Variants in ALDH5A1 observed in about 807,000 individuals in gnomAD.
The protein encoded by ALDH5A1 is aldehyde dehydrogenase 5 family member A1.
A neutral mutation model predicts 54.7 loss-of-function variants in ALDH5A1; 33 were observed. That is an observed-to-expected ratio of 0.60 (90% confidence interval 0.46 to 0.81). ALDH5A1 has a LOEUF of 0.81. Among genes scored for constraint, ALDH5A1 ranks in the 30% least tolerant of loss-of-function variants. ALDH5A1 has a pLI of 0.00. For synonymous variants in ALDH5A1, 294 were observed against 292.7 expected (o/e 1.00, Z -0.05); for missense variants, 657 against 711.0 (o/e 0.92, Z 0.86).
Position 24,511,188 on chromosome 6 carries a change from T to TCTG in ALDH5A1, c.727-3976_727-3974dup, listed in dbSNP as rs529862851. Among the ~76,000 whole-genome samples the TCTG allele has an allele frequency of 6.0e-4, 92 of 152,264 alleles. 1 individual carries two copies. Among genetic ancestry groups the TCTG allele is most frequent in the African/African-American group, 2.1e-3 (88 of 41,554 alleles). The stretch of plus-strand genomic sequence containing the variant: ...AGTTTGTAGGGTTTCTGCTGAGAAA[T>TCTG]CTGCTAATCTGATAGGTTTTCCTTT... On this transcript the variant is annotated intron_variant, in intron 4 of 9. Transcript: ENST00000357578.
chr6:24,529,214 T>C (rs1683071569), intron 8 of ALDH5A1, among the ~76,000 whole-genome samples: 1 of 152,108 alleles, frequency 6.6e-6, no homozygotes, highest in Non-Finnish European at 1.5e-5. Context: ...TCATCCAGGC[T>C]GGAGTGCAGT....
rs763281198 is a variant in ALDH5A1 at position 24,528,093 on chromosome 6, C to T, written c.1270C>T (p.Leu424=). 6.2e-7 allele frequency: 1 copy of T among 1,614,122 alleles called. No individual in the cohort carries two copies. Among genetic ancestry groups the T allele is most frequent in the Non-Finnish European group, 8.5e-7 (1 of 1,180,012 alleles). ...QLGKNFFEPT[L]LCNVTQDMLC... ...TGGAAAAAATTTCTTTGAGCCTACC[C>T]TGCTGTGCAATGTCACCCAGGACAT... Residue 424 remains leucine, a synonymous_variant, in exon 8 of 10, where the codon CTG becomes TTG. Coordinates refer to ENST00000357578, the MANE Select transcript of ALDH5A1 (RefSeq NM_001080.3).
intron 8 of ALDH5A1, among the ~76,000 whole-genome samples, chr6:24,529,427 A>G (rs1361122165): frequency 2.6e-5 from 4 of 152,068 alleles, no homozygotes; most frequent in Non-Finnish European, 5.9e-5. Context: ...TCAGCCTCCC[A>G]AAGTGCTGGG....
At chr6:24,495,590 C>T (rs1445364378) in intron 1 of ALDH5A1, among the ~76,000 whole-genome samples, 2 of 152,218 alleles carry the variant, frequency 1.3e-5, no homozygotes, top group East Asian at 3.9e-4. Flanking sequence ...AAGTTATGCA[C>T]TGCCCAGTAG....
At position 24,506,243 on chromosome 6, in the gene ALDH5A1, C is replaced by CTTTTTTTTTTTTTTTTTTTTTTTTTT. The variant is rs70974913; in HGVS notation, c.726+1263_726+1288dup. ...TCTGCACCTCCTTCTTTCCTGGTTCCTTTTTTTTTTTTTTTTTTTTTTTTT... is the reference window on the plus strand; with the variant it reads ...TCTGCACCTCCTTCTTTCCTGGTTCCTTTTTTTTTTTTTTTTTTTTTTTTTTTTTTTTTTTTTTTTTTTTTTTTTTT... On this transcript the variant is annotated intron_variant, in intron 4 of 9. Transcript: ENST00000357578. Among the ~76,000 whole-genome samples, 24 of 52,162 alleles carry CTTTTTTTTTTTTTTTTTTTTTTTTTT rather than the reference C, an allele frequency of 4.6e-4. 7 individuals are homozygous for CTTTTTTTTTTTTTTTTTTTTTTTTTT. The highest frequency in any genetic ancestry group is 7.9e-4 in the Non-Finnish European group (23 of 29,134). 34.2% of individuals were successfully genotyped at this position (52,162 alleles called of 152,430 possible). A position where few individuals can be genotyped will look rare whatever the true frequency, so the allele number is the denominator to read the frequency against.
intron 7 of ALDH5A1, among the ~76,000 whole-genome samples, chr6:24,523,198 A>G (rs1175012037): frequency 6.6e-6 from 1 of 152,188 alleles, no homozygotes; most frequent in Non-Finnish European, 1.5e-5. Context: ...GTTTGAGGCG[A>G]TAGATGTGCT....
At chr6:24,523,506 C>A (rs1256479877) in intron 7 of ALDH5A1, among the ~76,000 whole-genome samples, 4 of 152,178 alleles carry the variant, frequency 2.6e-5, no homozygotes, top group African/African-American at 7.2e-5. Flanking sequence ...TATAGCCCTG[C>A]CATTGCACCA....
At chr6:24,519,663 T>C (rs1759636531) in intron 5 of ALDH5A1, among the ~76,000 whole-genome samples, 1 of 151,980 alleles carries the variant, frequency 6.6e-6, no homozygotes, top group Admixed American at 6.6e-5. Context: ...TAAAGGGTTA[T>C]GAAAATTTTA....
chr6:24,511,949 AT>A, intron 4 of ALDH5A1: 1 of 523,456 alleles, frequency 1.9e-6, no homozygotes, highest in Non-Finnish European at 3.4e-6. Context: ...GTTTCTTCTT[AT>A]TGGGGTAGGC....
At position 24,533,416 on chromosome 6, in the gene ALDH5A1, A is replaced by G. The variant is rs533112076; in HGVS notation, c.1403-91A>G. The stretch of plus-strand genomic sequence containing the variant: ...GAAGACTCCAGGCCCAAGTGGCTGG[A>G]CAAAAAGTCATCAATGGTGCCCTCA... On this transcript the variant is annotated intron_variant, in intron 9 of 9. Coordinates refer to ENST00000357578, the MANE Select transcript of ALDH5A1 (RefSeq NM_001080.3). 6.4e-6 allele frequency: 9 copies of G among 1,399,540 alleles called. No individual in the cohort carries two copies. The Admixed American group carries it at 1.1e-4, about 17-fold the overall frequency. The allele number at this position is 1,399,540 out of a possible 1,614,324, so 86.7% of individuals were successfully genotyped here.
Position 24,495,037 on chromosome 6 carries a change from G to T in ALDH5A1, c.41G>T (p.Arg14Leu). 7.4e-7 allele frequency: 1 copy of T among 1,349,250 alleles called. No homozygotes were observed. The allele number at this position is 1,349,250 out of a possible 1,614,324, so 83.6% of individuals were successfully genotyped here. A position where few individuals can be genotyped will look rare whatever the true frequency, so the allele number is the denominator to read the frequency against. Residue 14 changes from arginine to leucine, a missense_variant, in exon 1 of 10, where the codon CGC (arginine) becomes CTC (leucine). By Grantham distance (102) the Arg-to-Leu change is moderately radical. This residue lies in a region of ALDH5A1 where 232 missense variants were observed against 194.6 expected (regional missense o/e 1.19). Transcript: ENST00000357578. The part of the protein sequence containing the change: ...CIWLRSCGAR[R>L]LGSTFPGCRL... Reference sequence around the variant, plus strand: ...TGGCTGCGGAGCTGTGGGGCCCGGCGCCTCGGGTCGACGTTTCCAGGCTGC... The same window carrying T: ...TGGCTGCGGAGCTGTGGGGCCCGGCTCCTCGGGTCGACGTTTCCAGGCTGC...
chr6:24,531,898 C>T (rs1759943880), intron 8 of ALDH5A1: 3 of 588,204 alleles, frequency 5.1e-6, no homozygotes, highest in South Asian at 1.9e-5. Context: ...TTCTTGTTCT[C>T]TTAGGAGAGA....
chr6:24,523,112 A>C (rs1463845889), intron 7 of ALDH5A1, among the ~76,000 whole-genome samples, 187 bp downstream of exon 7: 1 of 152,112 alleles, frequency 6.6e-6, no homozygotes, highest in Non-Finnish European at 1.5e-5. Context: ...ATTAGCAACA[A>C]TGTATTGTAT....
intron 9 of ALDH5A1, among the ~76,000 whole-genome samples, chr6:24,532,947 T>G (rs919783509): frequency 3.3e-5 from 5 of 152,164 alleles, no homozygotes; most frequent in African/African-American, 4.8e-5. Flanking sequence ...AGACGTACCC[T>G]GAACTAGGTC....
rs779613903 is a variant in ALDH5A1 at position 24,522,777 on chromosome 6, G to A, written c.1025G>A (p.Cys342Tyr). Residue 342 changes from cysteine (C) to tyrosine (Y), a missense_variant, in exon 7 of 10, where the codon TGC becomes TAC. By Grantham distance (194) the Cys-to-Tyr change is radical. This residue lies in a region of ALDH5A1 where 425 missense variants were observed against 516.4 expected (regional missense o/e 0.82). Coordinates refer to ENST00000357578, the MANE Select transcript of ALDH5A1 (RefSeq NM_001080.3). ...TTGTCTCCTGTCCAGACTTGTGTTT[G>A]CTCAAACCAATTCTTGGTGCAAAGG... Reference protein sequence around the residue: ...KFRNTGQTCVCSNQFLVQRGI... With the variant: ...KFRNTGQTCVYSNQFLVQRGI... 1 of 1,613,788 alleles carries A rather than the reference G, an allele frequency of 6.2e-7. No individual in the cohort carries two copies. The highest frequency in any genetic ancestry group is 1.1e-5 in the South Asian group (1 of 91,058).
chr6:24,515,841 G>A (rs1049976765), intron 5 of ALDH5A1, among the ~76,000 whole-genome samples: 4 of 152,148 alleles, frequency 2.6e-5, no homozygotes, highest in Admixed American at 1.3e-4. Flanking sequence ...TTGGGGCAGC[G>A]AGGGTCCCAT....
Position 24,495,296 on chromosome 6 carries a change from C to T in ALDH5A1, c.300C>T (p.Ala100=), listed in dbSNP as rs1561866081. 5 of 1,532,614 alleles carry T rather than the reference C, an allele frequency of 3.3e-6. No homozygotes were observed. The highest frequency in any genetic ancestry group is 2.2e-4 in the Middle Eastern group (1 of 4,506). 94.9% of individuals were successfully genotyped at this position (1,532,614 alleles called of 1,614,324 possible). Residue 100 remains alanine (A), a synonymous_variant, in exon 1 of 10, where the codon GCC becomes GCT. Transcript: ENST00000357578. ...ACTGCGGGGTGCGAGAGGCCCGCGC[C>T]GCCGTGCGCGCTGCCTACGAGGCTT... ...VADCGVREAR[A]AVRAAYEAFC... is the part of the protein sequence containing the mutation.
In ALDH5A1 at chr6:24,528,177, C is replaced by A; in HGVS notation, c.1343+11C>A. 4 of 1,613,538 alleles carry A rather than the reference C, an allele frequency of 2.5e-6. No homozygotes were observed. Among genetic ancestry groups the A allele is most frequent in the Non-Finnish European group, 3.4e-6 (4 of 1,179,706 alleles). On this transcript the variant is annotated intron_variant, in intron 8 of 9. Transcript: ENST00000357578. ...GGCACCAGTTATCAAGTAAGATCCT[C>A]CAGCCAGCGGGGAGATGGGAGGAAG...
chr6:24,505,899 C>T (rs1184204497), intron 4 of ALDH5A1, among the ~76,000 whole-genome samples: 1 of 151,272 alleles, frequency 6.6e-6, no homozygotes, highest in Non-Finnish European at 1.5e-5. Flanking sequence ...ACCCTGGGGG[C>T]GGAGATTGCA....
Sources: allele counts gnomAD v4.1 joint callset (sites outside exome capture counted in the v4.1 genomes callset), GRCh38; gene constraint gnomAD v4.1.1; regional missense constraint gnomAD v4.1.1; transcripts MANE v1.5; gene names NCBI Gene and HGNC (gene_info 2026-07-23, HGNC 2026-07-21).